LRRTM4: variants seen among roughly 807,000 people sequenced by gnomAD.
LRRTM4 encodes the protein leucine rich repeat transmembrane neuronal 4.
In LRRTM4, 25 loss-of-function variants were observed where a neutral mutation model predicts 47.6. That is an observed-to-expected ratio of 0.53 (90% confidence interval 0.38 to 0.73). The LOEUF (loss-of-function observed/expected upper bound fraction) is 0.73. LRRTM4 is among the 30% of genes least tolerant of loss of function. The pLI, the probability that LRRTM4 is intolerant of heterozygous loss-of-function variation, is 0.00. For synonymous variants in LRRTM4, 311 were observed against 269.5 expected, an observed-to-expected ratio of 1.15 and a Z score of -1.51; for missense variants, 638 against 713.4, an observed-to-expected ratio of 0.89 and a Z score of 1.20.
intron 3 of LRRTM4, among the ~76,000 whole-genome samples, chr2:76,860,780 C>G (rs1032797312): frequency 2.4e-4 from 36 of 151,560 alleles, no homozygotes; most frequent in Non-Finnish European, 1.9e-4. Context: ...ATACACTTCC[C>G]CAGATTTAGA....
chr2:76,939,438 A>AT (rs554112266), intron 3 of LRRTM4, among the ~76,000 whole-genome samples: 5 of 151,646 alleles, frequency 3.3e-5, no homozygotes, highest in Middle Eastern at 3.2e-3. Context: ...AATTACACAG[A>AT]TTTTTTTGTC....
intron 3 of LRRTM4, among the ~76,000 whole-genome samples, chr2:77,318,263 C>A (rs1677677771): frequency 6.6e-6 from 1 of 152,178 alleles, no homozygotes; most frequent in Non-Finnish European, 1.5e-5. Context: ...GCCTTGGCCT[C>A]CCAAAGTGTT....
rs1679510948 is a variant in LRRTM4 at position 77,521,736 on chromosome 2, A to C, written c.-65T>G. 1.3e-6 allele frequency: 2 copies of C among 1,583,946 alleles called. No individual in the cohort carries two copies. Among genetic ancestry groups the C allele is most frequent in the Non-Finnish European group, 1.7e-6 (2 of 1,154,482 alleles). ...TCTTCTTATTTGGTCTCTTGTGCGG[A>C]AACCACCACCACCTTCATGACACAG... On this transcript the variant is annotated 5_prime_UTR_variant, in exon 2 of 4. Coordinates refer to ENST00000409884, the MANE Select transcript of LRRTM4 (RefSeq NM_001134745.3).
At chr2:77,086,965 A>G (rs1330482424) in intron 3 of LRRTM4, among the ~76,000 whole-genome samples, 3 of 152,238 alleles carry the variant, frequency 2.0e-5, no homozygotes, top group Admixed American at 6.5e-5. Context: ...TTCTGGGTTT[A>G]ATATAAAACT....
At chr2:77,158,735 G>A (rs1475527020) in intron 3 of LRRTM4, among the ~76,000 whole-genome samples, 1 of 150,828 alleles carries the variant, frequency 6.6e-6, no homozygotes, top group African/African-American at 2.4e-5. Context: ...GTTGAAACTT[G>A]TCCTAATTTT....
At chr2:76,881,711 G>A (rs1573250739) in intron 3 of LRRTM4, among the ~76,000 whole-genome samples, 1 of 151,818 alleles carries the variant, frequency 6.6e-6, no homozygotes, top group Non-Finnish European at 1.5e-5. Flanking sequence ...ATGAAAAAAA[G>A]TACCAAACTC....
chr2:77,088,862 A>G (rs949936909), intron 3 of LRRTM4, among the ~76,000 whole-genome samples: 3 of 151,488 alleles, frequency 2.0e-5, no homozygotes, highest in African/African-American at 7.3e-5. Context: ...AACCTCCCTC[A>G]CTATCCCTCA....
chr2:77,305,739 G>T (rs1027027781), intron 3 of LRRTM4, among the ~76,000 whole-genome samples: 3 of 152,046 alleles, frequency 2.0e-5, no homozygotes, highest in Admixed American at 1.3e-4. Flanking sequence ...AGTAAAAAAG[G>T]TGGATGTTAT....
At chr2:77,265,772 A>G (rs918962426) in intron 3 of LRRTM4, among the ~76,000 whole-genome samples, 2 of 152,202 alleles carry the variant, frequency 1.3e-5, no homozygotes, top group Admixed American at 6.5e-5. Context: ...AAGTTTTACT[A>G]TATTAAAAAG....
chr2:76,900,031 C>A (rs951724727), intron 3 of LRRTM4, among the ~76,000 whole-genome samples: 4 of 152,066 alleles, frequency 2.6e-5, no homozygotes, highest in African/African-American at 7.2e-5. Flanking sequence ...GAGTTTGAGA[C>A]CAGCCTGACC....
intron 3 of LRRTM4, among the ~76,000 whole-genome samples, chr2:76,811,426 A>T (rs1196732522): frequency 6.6e-6 from 1 of 152,126 alleles, no homozygotes; most frequent in Non-Finnish European, 1.5e-5. Context: ...ACAAAACAAC[A>T]TTGGCTGGGG....
At chr2:77,154,619 G>A (rs1341738413) in intron 3 of LRRTM4, among the ~76,000 whole-genome samples, 1 of 152,066 alleles carries the variant, frequency 6.6e-6, no homozygotes, top group East Asian at 1.9e-4. Context: ...TAGATTCTCA[G>A]AATTTACGCT....
At chr2:76,807,993 TTC>T (rs1468726797) in intron 3 of LRRTM4, among the ~76,000 whole-genome samples, 1 of 150,828 alleles carries the variant, frequency 6.6e-6, no homozygotes, top group Admixed American at 6.6e-5. Flanking sequence ...TTTCTTTTCT[TTC>T]TGTCTCTTTT....
chr2:77,167,721 A>G (rs1218337030), intron 3 of LRRTM4, among the ~76,000 whole-genome samples: 7 of 152,168 alleles, frequency 4.6e-5, no homozygotes, highest in Non-Finnish European at 1.0e-4. Flanking sequence ...CAAACACTGC[A>G]TGTTCTCACT....
intron 3 of LRRTM4, among the ~76,000 whole-genome samples, chr2:77,231,354 T>G (rs1439728810): frequency 6.6e-6 from 1 of 152,050 alleles, no homozygotes; most frequent in Non-Finnish European, 1.5e-5. Context: ...ACTTAGAAAA[T>G]TATAACGGAA....
In LRRTM4 at chr2:77,074,674, CAG is replaced by C. The variant is rs142497214; in HGVS notation, c.1552-325760_1552-325759del. On this transcript the variant is annotated intron_variant, in intron 3 of 3. Transcript: ENST00000409884. ...GAGAAAAAGAAGTACTGATTTTGGA[CAG>C]AGAGAAGGAGAACTATTTAGAAATT... is the stretch of plus-strand genomic sequence containing the variant. Among the ~76,000 whole-genome samples, 312 of 152,046 alleles carry C rather than the reference CAG, an allele frequency of 2.1e-3. 1 individual carries two copies. Among genetic ancestry groups the C allele is most frequent in the African/African-American group, 6.6e-3 (273 of 41,456 alleles).
chr2:76,925,193 G>A (rs1674551299), intron 3 of LRRTM4, among the ~76,000 whole-genome samples: 1 of 152,138 alleles, frequency 6.6e-6, no homozygotes, highest in South Asian at 2.1e-4. Context: ...CCCTTTAAAA[G>A]AGGGTAAAAG....
chr2:77,096,934 C>T (rs1670828297), intron 3 of LRRTM4, among the ~76,000 whole-genome samples: 1 of 151,702 alleles, frequency 6.6e-6, no homozygotes, highest in Admixed American at 6.6e-5. Flanking sequence ...ATTTTTCAAG[C>T]TCCATTCAAA....
chr2:77,136,932 A>G (rs112867470), intron 3 of LRRTM4, among the ~76,000 whole-genome samples: 9,680 of 151,918 alleles, frequency 0.064, 869 homozygotes, highest in East Asian at 0.18. Context: ...GAGAAAAAAG[A>G]GTCAAAAGAA....
Sources: allele counts gnomAD v4.1 joint callset (sites outside exome capture counted in the v4.1 genomes callset), GRCh38; gene constraint gnomAD v4.1.1; transcripts MANE v1.5; gene names NCBI Gene and HGNC (gene_info 2026-07-23, HGNC 2026-07-21).